Variants in GRIA3 observed in about 807,000 individuals in gnomAD.
GRIA3 encodes glutamate ionotropic receptor AMPA type subunit 3.
A neutral mutation model predicts 63.0 loss-of-function variants in GRIA3; 3 were observed. The observed-to-expected ratio is 0.05, with a 90% CI of 0.02 to 0.12. GRIA3 has a LOEUF of 0.12. Among genes scored for constraint, GRIA3 ranks in the 10% least tolerant of loss-of-function variants. The pLI, the probability that GRIA3 is intolerant of heterozygous loss-of-function variation, is 1.00. For synonymous variants in GRIA3, 274 were observed against 257.9 expected, an observed-to-expected ratio of 1.06 and a Z score of -0.60; for missense variants, 347 against 700.9, an observed-to-expected ratio of 0.50 and a Z score of 5.70.
intron 5 of GRIA3, among the ~76,000 whole-genome samples, chrX:123,389,028 A>G (rs927154594): frequency 8.9e-6 from 1 of 112,256 alleles, no homozygotes; most frequent in African/African-American, 3.2e-5. Context: ...TATAGTTTCC[A>G]AAGTTCCTCT....
intron 3 of GRIA3, among the ~76,000 whole-genome samples, chrX:123,280,783 G>A (rs1163939667): frequency 4.5e-5 from 5 of 112,119 alleles, no homozygotes; most frequent in African/African-American, 1.6e-4. Flanking sequence ...GAGGTTTATT[G>A]TGTATTGCCT....
chrX:123,251,930 T>C (rs1217827907), intron 2 of GRIA3, among the ~76,000 whole-genome samples: 4 of 112,299 alleles, frequency 3.6e-5, no homozygotes, highest in African/African-American at 1.3e-4. Flanking sequence ...TAGATTCGAA[T>C]CAAATGCAGG....
At chrX:123,367,363 A>G (rs982389842) in intron 5 of GRIA3, among the ~76,000 whole-genome samples, 4 of 112,228 alleles carry the variant, frequency 3.6e-5, no homozygotes, top group African/African-American at 1.3e-4. Context: ...TTTCCTTTGA[A>G]GTCAAACTTG....
chrX:123,389,622 T>C (rs1432514740), intron 5 of GRIA3, among the ~76,000 whole-genome samples: 1 of 111,687 alleles, frequency 9.0e-6, no homozygotes, highest in African/African-American at 3.3e-5. Flanking sequence ...GGTGAGTTTC[T>C]TGTAGGCAGC....
Position 123,275,140 on chromosome X carries a change from A to G in GRIA3, c.508+21598A>G, listed in dbSNP as rs184709555. 1.6e-3 allele frequency among the ~76,000 whole-genome samples: 183 copies of G among 111,684 alleles called. 2 individuals carry two copies. The highest frequency in any genetic ancestry group is 0.016 in the Admixed American group (166 of 10,490). ...AAGGATAATAACAATAATAATAACA[A>G]TAATAATATAACAATATTATAAATA... On this transcript the variant is annotated intron_variant, in intron 3 of 15. Coordinates refer to ENST00000620443, the MANE Select transcript of GRIA3 (RefSeq NM_007325.5).
chrX:123,488,304 T>TCA (rs1232757964), intron 15 of GRIA3, among the ~76,000 whole-genome samples: 1 of 112,586 alleles, frequency 8.9e-6, no homozygotes, highest in African/African-American at 3.2e-5. Context: ...TATTTTCTTC[T>TCA]CACAGTTAAA....
chrX:123,248,253 A>G (rs2044370120), intron 2 of GRIA3, among the ~76,000 whole-genome samples: 1 of 112,318 alleles, frequency 8.9e-6, no homozygotes, highest in Admixed American at 9.4e-5. Context: ...CAGGATTTCA[A>G]CCTATGTGGT....
chrX:123,317,127 A>C (rs926586915), intron 3 of GRIA3, among the ~76,000 whole-genome samples: 7 of 111,464 alleles, frequency 6.3e-5, no homozygotes, highest in African/African-American at 2.3e-4. Context: ...AACCCATCAG[A>C]TCTCTTGAGA....
At chrX:123,372,959 G>A (rs2045258188) in intron 5 of GRIA3, among the ~76,000 whole-genome samples, 1 of 108,321 alleles carries the variant, frequency 9.2e-6, no homozygotes, top group Non-Finnish European at 1.9e-5. Flanking sequence ...TTGGTGTGCT[G>A]CACCCATTAA....
At chrX:123,322,110 C>T (rs1191177107) in intron 3 of GRIA3, among the ~76,000 whole-genome samples, 8 of 111,727 alleles carry the variant, frequency 7.2e-5, no homozygotes, top group East Asian at 5.6e-4. Flanking sequence ...ATCCACCACA[C>T]TACCCTTTGC....
intron 3 of GRIA3, among the ~76,000 whole-genome samples, chrX:123,259,341 A>C (rs2147286460): frequency 9.0e-6 from 1 of 111,691 alleles, no homozygotes; most frequent in African/African-American, 3.2e-5. Context: ...CTACTTACAT[A>C]GCCTAGCCTC....
chrX:123,488,328 C>G (rs1315137313), intron 15 of GRIA3, among the ~76,000 whole-genome samples: 1 of 112,532 alleles, frequency 8.9e-6, no homozygotes, highest in African/African-American at 3.2e-5. Context: ...GATTTCAATT[C>G]AGTAAGCCAT....
intron 5 of GRIA3, among the ~76,000 whole-genome samples, chrX:123,369,941 C>A (rs781580755): frequency 9.0e-6 from 1 of 111,505 alleles, no homozygotes; most frequent in Non-Finnish European, 1.9e-5. Context: ...AACTTCTGCT[C>A]TTAGACAGGA....
intron 5 of GRIA3, among the ~76,000 whole-genome samples, chrX:123,380,332 C>G (rs1400140371): frequency 3.6e-5 from 4 of 112,056 alleles, no homozygotes; most frequent in Non-Finnish European, 1.9e-5. Flanking sequence ...TAATGATCAC[C>G]ATTCTAACTG....
intron 2 of GRIA3, among the ~76,000 whole-genome samples, chrX:123,194,663 G>A (rs1927526475): frequency 1.8e-5 from 2 of 112,107 alleles, no homozygotes; most frequent in Admixed American, 1.9e-4. Flanking sequence ...TACCCTAGAT[G>A]TATTGAATCA....
intron 2 of GRIA3, among the ~76,000 whole-genome samples, chrX:123,197,721 C>G (rs970918079): frequency 1.8e-5 from 2 of 111,904 alleles, no homozygotes; most frequent in African/African-American, 6.5e-5. Context: ...AATATTGAAT[C>G]CTTGAAATCA....
chrX:123,304,958 A>G (rs891652582), intron 3 of GRIA3, among the ~76,000 whole-genome samples: 2 of 111,923 alleles, frequency 1.8e-5, no homozygotes, highest in African/African-American at 6.5e-5. Context: ...CAACTCTCAA[A>G]ATGTTCAAAA....
chrX:123,437,607 A>G (rs1385569338), intron 12 of GRIA3, among the ~76,000 whole-genome samples: 1 of 111,688 alleles, frequency 9.0e-6, no homozygotes. Context: ...ATAGTAGCCT[A>G]CATTAGAATT....
At chrX:123,418,523 T>C (rs1022783161) in intron 11 of GRIA3, among the ~76,000 whole-genome samples, 1 of 111,965 alleles carries the variant, frequency 8.9e-6, no homozygotes, top group Middle Eastern at 4.2e-3. Flanking sequence ...AGGACTTGCA[T>C]CCAGAATATA....
Sources: gnomAD v4.1 joint callset for allele counts (sites outside exome capture counted in the v4.1 genomes callset) on GRCh38, gnomAD v4.1.1 for gene constraint, MANE v1.5 for transcripts, NCBI Gene and HGNC (gene_info 2026-07-23, HGNC 2026-07-21) for gene names.